Variants in CPEB4 observed in about 807,000 individuals in gnomAD.
The protein encoded by CPEB4 is cytoplasmic polyadenylation element binding protein 4, also known as cytoplasmic polyadenylation element-binding protein 4.
In CPEB4, 12 loss-of-function variants were observed where a neutral mutation model predicts 72.5. The observed-to-expected ratio is 0.17, with a 90% CI of 0.11 to 0.27. The LOEUF is 0.27. Ranked by LOEUF, CPEB4 falls within the 10% of genes least tolerant of loss-of-function variation. The pLI is 1.00. For synonymous variants in CPEB4, 302 were observed against 326.3 expected, an observed-to-expected ratio of 0.93 and a Z score of 0.80; for missense variants, 614 against 908.5, an observed-to-expected ratio of 0.68 and a Z score of 4.17.
Position 173,955,099 on chromosome 5 carries a change from C to A in CPEB4, c.1963-811C>A, listed in dbSNP as rs1758336402. 6.6e-6 allele frequency among the ~76,000 whole-genome samples: 1 copy of A among 152,188 alleles called. No individual in the cohort carries two copies. The highest frequency in any genetic ancestry group is 2.1e-4 in the South Asian group (1 of 4,834). On this transcript the variant is annotated intron_variant, in intron 9 of 9. Transcript: ENST00000265085. This position sits in a 1 kb window ranked among gnomAD's most constrained non-coding sequence, Gnocchi z 4.7. ...TGGCACCAGTGCTGGTGACAGCCTG[C>A]TGTAAGGGAGTTTCAGCCATGAATC...
rs75349368 is a variant in CPEB4 at position 173,901,067 on chromosome 5, C to G, written c.1126-9456C>G. On this transcript the variant is annotated intron_variant, in intron 1 of 9. Coordinates refer to ENST00000265085, the MANE Select transcript of CPEB4 (RefSeq NM_030627.4). ...AAGAAGAAGAAAAGGTCTATTGATT[C>G]AGGAACTGACTGACTAATCAAGCCT... Among the ~76,000 whole-genome samples the G allele has an allele frequency of 1.2e-4, 18 of 152,258 alleles. No individual in the cohort carries two copies. In the East Asian group the frequency reaches 3.3e-3, roughly 28 times the overall value.
Position 173,950,203 on chromosome 5 carries a change from G to A in CPEB4, c.1665+125G>A. ...ATTGACATGTTTGTAAGCAGACTAA[G>A]TAGTCTTGTTGTGAAGTTCTTAACA... is the stretch of plus-strand genomic sequence containing the variant. On this transcript the variant is annotated intron_variant, in intron 7 of 9. Transcript: ENST00000265085. This position sits in a 1 kb window ranked among gnomAD's most constrained non-coding sequence, Gnocchi z 5.0. 1 of 579,252 alleles carries A rather than the reference G, an allele frequency of 1.7e-6. No individual in the cohort carries two copies. Among genetic ancestry groups the A allele is most frequent in the Non-Finnish European group, 3.0e-6 (1 of 331,138 alleles). 35.9% of individuals were successfully genotyped at this position (579,252 alleles called of 1,614,324 possible).
chr5:173,939,753 C>CA (rs1757764623), intron 3 of CPEB4, among the ~76,000 whole-genome samples: 1 of 144,886 alleles, frequency 6.9e-6, no homozygotes, highest in South Asian at 2.1e-4. Flanking sequence ...TATTTTGAGC[C>CA]TTTTTTTTTT....
intron 2 of CPEB4, among the ~76,000 whole-genome samples, chr5:173,919,938 A>G (rs1375453312): frequency 1.3e-5 from 2 of 152,220 alleles, no homozygotes; most frequent in African/African-American, 4.8e-5. Context: ...TACCAAAACT[A>G]AAAAGGAGGA....
intron 1 of CPEB4, among the ~76,000 whole-genome samples, 156 bp downstream of exon 1, chr5:173,891,014 T>C (rs559549549): frequency 3.0e-4 from 45 of 152,286 alleles, no homozygotes; most frequent in African/African-American, 1.1e-3. Flanking sequence ...AGGAGTGTAA[T>C]TGGAACAAAA....
At chr5:173,939,562 C>T (rs552389118) in intron 3 of CPEB4, among the ~76,000 whole-genome samples, 15 of 152,204 alleles carry the variant, frequency 9.9e-5, no homozygotes, top group South Asian at 2.1e-4. Flanking sequence ...GTACCTTCTT[C>T]GTAAGTCTGG....
At chr5:173,890,980 T>C in intron 1 of CPEB4, 122 bp downstream of exon 1, 1 of 927,364 alleles carries the variant, frequency 1.1e-6, no homozygotes, top group Non-Finnish European at 1.6e-6. Flanking sequence ...AGAAAATGAA[T>C]CAATAACCAG....
rs1174749441 is a variant in CPEB4 at position 173,889,045 on chromosome 5, G to A, written c.-689G>A. Reference sequence around the variant, plus strand: ...CAAAACTGCACCCTGCGAAAGAGCAGAAAACAGGACCAGGAACAGCAGAAA... The same window carrying A: ...CAAAACTGCACCCTGCGAAAGAGCAAAAAACAGGACCAGGAACAGCAGAAA... On this transcript the variant is annotated 5_prime_UTR_variant, in exon 1 of 10. Coordinates refer to ENST00000265085, the MANE Select transcript of CPEB4 (RefSeq NM_030627.4). 6.6e-6 allele frequency: 1 copy of A among 152,638 alleles called. No homozygotes were observed. Among genetic ancestry groups the A allele is most frequent in the Non-Finnish European group, 1.5e-5 (1 of 68,272 alleles). 9.5% of individuals were successfully genotyped at this position (152,638 alleles called of 1,614,324 possible).
In CPEB4 at chr5:173,890,677, G is replaced by A. The variant is rs1755780365; in HGVS notation, c.944G>A (p.Arg315Gln). ...GGTGGCTGGGGAGGTTCCCAAGGCC[G>A]AGATCACCGCAGAGGGCTGAATGGT... ...GYGGWGGSQG[R>Q]DHRRGLNGGI... The change falls in exon 1 of 10, where the codon CGA becomes CAA. Residue 315 changes from arginine to glutamine, a missense_variant. Physicochemically the swap from Arg to Gln is conservative, Grantham distance 43. Around this residue, in one of 5 missense-constraint regions of CPEB4, gnomAD observed 458 missense variants for 548.6 expected, o/e 0.83. Transcript: ENST00000265085. The A allele has an allele frequency of 6.2e-7, 1 of 1,614,016 alleles. No individual in the cohort carries two copies. Among genetic ancestry groups the A allele is most frequent in the Admixed American group, 1.7e-5 (1 of 60,004 alleles).
Position 173,953,115 on chromosome 5 carries a change from G to A in CPEB4, c.1805G>A (p.Arg602Gln). 2 of 1,607,744 alleles carry A rather than the reference G, an allele frequency of 1.2e-6. No homozygotes were observed. Among genetic ancestry groups the A allele is most frequent in the Non-Finnish European group, 8.5e-7 (1 of 1,176,408 alleles). Reference protein sequence around the residue: ...RAVELAMIMDRLYGGVCYAGI... With the variant: ...RAVELAMIMDQLYGGVCYAGI... ...GTGGAGCTTGCGATGATAATGGATC[G>A]GCTATATGGAGGTGTGTGCTACGCT... Residue 602 changes from arginine to glutamine, a missense_variant, in exon 9 of 10, where the codon CGG becomes CAG. Arg to Gln is a conservative substitution (Grantham distance 43). Around this residue, in one of 5 missense-constraint regions of CPEB4, gnomAD observed 101 missense variants for 243.1 expected, o/e 0.42. Coordinates refer to ENST00000265085, the MANE Select transcript of CPEB4 (RefSeq NM_030627.4).
intron 1 of CPEB4, among the ~76,000 whole-genome samples, chr5:173,895,256 T>C (rs2113125215): frequency 6.6e-6 from 1 of 152,334 alleles, no homozygotes; most frequent in East Asian, 1.9e-4. Flanking sequence ...CACCTGCCAA[T>C]AATTATATTT....
chr5:173,942,208 G>A (rs1757871815), intron 3 of CPEB4, among the ~76,000 whole-genome samples: 1 of 152,214 alleles, frequency 6.6e-6, no homozygotes, highest in East Asian at 1.9e-4. Context: ...CTGGAGGTCA[G>A]GGACATGCAC....
At chr5:173,901,390 T>C (rs1272119881) in intron 1 of CPEB4, among the ~76,000 whole-genome samples, 1 of 152,220 alleles carries the variant, frequency 6.6e-6, no homozygotes, top group East Asian at 1.9e-4. Flanking sequence ...GGAGCTATAA[T>C]GAAAAAGTAC....
intron 9 of CPEB4, 100 bp downstream of exon 9, chr5:173,953,372 G>T: frequency 1.1e-6 from 1 of 910,496 alleles, no homozygotes; most frequent in South Asian, 2.4e-5. Context: ...TAAAGTGACA[G>T]CTGACAATTT....
Position 173,932,461 on chromosome 5 carries a change from T to C in CPEB4, c.1219T>C (p.Tyr407His). 6.2e-7 allele frequency: 1 copy of C among 1,612,800 alleles called. No individual in the cohort carries two copies. The highest frequency in any genetic ancestry group is 8.5e-7 in the Non-Finnish European group (1 of 1,179,320). ...ENDTIKGRLNYSYPGSDSSLL... is the reference protein window; with the variant it reads ...ENDTIKGRLNHSYPGSDSSLL... ...TCTTTTACCTTCAGGTCGTCTAAAC[T>C]ATTCATATCCAGGATCCGATAGCTC... is the stretch of plus-strand genomic sequence containing the variant. The change falls in exon 3 of 10, where the codon TAT becomes CAT. Residue 407 changes from tyrosine to histidine, a missense_variant. Transcript: ENST00000265085.
At position 173,889,855 on chromosome 5, in the gene CPEB4, C is replaced by T; in HGVS notation, c.122C>T (p.Pro41Leu). The change falls in exon 1 of 10, where the codon CCT becomes CTT. Residue 41 changes from proline (P) to leucine (L), a missense_variant. Coordinates refer to ENST00000265085, the MANE Select transcript of CPEB4 (RefSeq NM_030627.4). ...CATCACCAAAATGCCACCCCCAGCC[C>T]TGCTGCTTTTATAAATAATAACACA... The part of the protein sequence containing the change: ...PHHHQNATPS[P>L]AAFINNNTAA... 6.2e-7 allele frequency: 1 copy of T among 1,614,238 alleles called. No individual in the cohort carries two copies. The highest frequency in any genetic ancestry group is 8.5e-7 in the Non-Finnish European group (1 of 1,180,048).
intron 1 of CPEB4, among the ~76,000 whole-genome samples, chr5:173,903,930 GTC>G (rs1278333158): frequency 2.0e-5 from 3 of 152,146 alleles, no homozygotes; most frequent in Non-Finnish European, 4.4e-5. Flanking sequence ...GTATCATAAG[GTC>G]TTTCTTTTAG....
intron 2 of CPEB4, among the ~76,000 whole-genome samples, chr5:173,915,452 A>G (rs1756834055): frequency 6.6e-6 from 1 of 151,974 alleles, no homozygotes; most frequent in Non-Finnish European, 1.5e-5. Flanking sequence ...GCAAGTCTGG[A>G]TGTTATTTTT....
At position 173,955,533 on chromosome 5, in the gene CPEB4, A is replaced by T. The variant is rs1403312917; in HGVS notation, c.1963-377A>T. ...GGATCATCTTAGTTGATTTTGTTTA[A>T]ATTATGATTCCACATATGACAAAAA... On this transcript the variant is annotated intron_variant, in intron 9 of 9. Coordinates refer to ENST00000265085, the MANE Select transcript of CPEB4 (RefSeq NM_030627.4). This position sits in a 1 kb window ranked among gnomAD's most constrained non-coding sequence, Gnocchi z 4.7. 1.3e-5 allele frequency among the ~76,000 whole-genome samples: 2 copies of T among 152,142 alleles called. No homozygotes were observed. Among genetic ancestry groups the T allele is most frequent in the Admixed American group, 1.3e-4 (2 of 15,270 alleles).
Sources: gnomAD v4.1 joint callset for allele counts (sites outside exome capture counted in the v4.1 genomes callset) on GRCh38, gnomAD v4.1.1 for gene constraint, gnomAD v4.1.1 regional missense constraint, Gnocchi (gnomAD v3.1) non-coding constraint, MANE v1.5 for transcripts, NCBI Gene and HGNC (gene_info 2026-07-23, HGNC 2026-07-21) for gene names.